Variants in MGLL observed in about 807,000 individuals in gnomAD.
The protein encoded by MGLL is monoglyceride lipase.
In MGLL, 7 loss-of-function variants were observed where a neutral mutation model predicts 29.1. The ratio of observed to expected loss-of-function variants is 0.24; its 90% CI spans 0.14 to 0.45. The LOEUF (loss-of-function observed/expected upper bound fraction) is 0.45, where lower values mean the gene tolerates loss of function less well. MGLL is among the 20% of genes least tolerant of loss of function. MGLL has a pLI of 0.99. For synonymous variants in MGLL, 148 were observed against 168.3 expected, an observed-to-expected ratio of 0.88 and a Z score of 0.93; for missense variants, 356 against 413.6, an observed-to-expected ratio of 0.86 and a Z score of 1.21.
intron 3 of MGLL, among the ~76,000 whole-genome samples, chr3:127,748,409 AGAG>A (rs1434392504): frequency 9.1e-6 from 1 of 109,650 alleles, no homozygotes; most frequent in Non-Finnish European, 2.1e-5. Flanking sequence ...AGAGAGAGAA[AGAG>A]AGAGAGAGAG....
At chr3:127,695,993 C>T (rs2075353171) in intron 6 of MGLL, among the ~76,000 whole-genome samples, 1 of 152,118 alleles carries the variant, frequency 6.6e-6, no homozygotes, top group Non-Finnish European at 1.5e-5. Context: ...TGCTAGGAGC[C>T]CCTGGAGGGG....
chr3:127,748,300 G>A (rs922725176), intron 3 of MGLL, among the ~76,000 whole-genome samples: 3 of 151,910 alleles, frequency 2.0e-5, no homozygotes, highest in Admixed American at 6.6e-5. Flanking sequence ...TGAGGGTTAC[G>A]CATCGCAGTC....
intron 3 of MGLL, among the ~76,000 whole-genome samples, chr3:127,741,402 T>TC (rs1236006058): frequency 6.6e-6 from 1 of 152,148 alleles, no homozygotes; most frequent in African/African-American, 2.4e-5. Flanking sequence ...GGCTGGGTGC[T>TC]CCCAGGGGGC....
intron 6 of MGLL, 136 bp downstream of exon 6, chr3:127,710,440 C>T (rs2075688305): frequency 1.2e-6 from 1 of 828,200 alleles, no homozygotes; most frequent in Non-Finnish European, 2.0e-6. Flanking sequence ...ATGTCTAATG[C>T]ACCACTGTGT....
At chr3:127,814,247 C>T (rs185132422) in intron 2 of MGLL, among the ~76,000 whole-genome samples, 29 of 152,316 alleles carry the variant, frequency 1.9e-4, no homozygotes, top group Non-Finnish European at 3.4e-4. Context: ...AGTGTAGGAA[C>T]ACACAACACA....
At chr3:127,743,573 A>AAC (rs71771972) in intron 3 of MGLL, among the ~76,000 whole-genome samples, 3 of 35,218 alleles carry the variant, frequency 8.5e-5, no homozygotes, top group Non-Finnish European at 1.3e-4. Context: ...CACTAATGCT[A>AAC]AAAAAAAAAA....
chr3:127,792,500 G>A (rs905585450), intron 2 of MGLL, among the ~76,000 whole-genome samples: 3 of 152,074 alleles, frequency 2.0e-5, no homozygotes, highest in Non-Finnish European at 4.4e-5. Flanking sequence ...TCAAGAAATC[G>A]AGACCATCCT....
At chr3:127,790,695 G>C (rs932752125) in intron 2 of MGLL, among the ~76,000 whole-genome samples, 8 of 152,294 alleles carry the variant, frequency 5.3e-5, no homozygotes, top group Admixed American at 1.3e-4. Context: ...AGTCGCATGG[G>C]AAACAATTTC....
chr3:127,706,217 G>A (rs1314015476), intron 6 of MGLL, among the ~76,000 whole-genome samples: 2 of 152,126 alleles, frequency 1.3e-5, no homozygotes, highest in African/African-American at 4.8e-5. Context: ...ATGTTCCCAC[G>A]GAAGCCCAAC....
intron 3 of MGLL, among the ~76,000 whole-genome samples, chr3:127,771,617 AGGTGCT>A (rs1233531801): frequency 2.0e-5 from 3 of 152,028 alleles, no homozygotes; most frequent in Non-Finnish European, 4.4e-5. Flanking sequence ...CAGCCTCCCA[AGGTGCT>A]GGGATTACAG....
At position 127,721,148 on chromosome 3, in the gene MGLL, T is replaced by G. The variant is rs1158272807; in HGVS notation, c.415A>C (p.Ile139Leu). ...LGHSMGGAIAILTAAERPGHF... is the reference protein window; with the variant it reads ...LGHSMGGAIALLTAAERPGHF... ...CCCGGCCTCTCTGCGGCCGTGAGGA[T>G]GGCGATGGCGCCTCCCTGTAATGCA... is the stretch of plus-strand genomic sequence containing the variant. Residue 139 changes from isoleucine to leucine, a missense_variant, in exon 5 of 8, where the codon ATC becomes CTC. Physicochemically the swap from Ile to Leu is conservative, Grantham distance 5 (BLOSUM62 2). Transcript: ENST00000265052. 6.2e-7 allele frequency: 1 copy of G among 1,614,188 alleles called. No homozygotes were observed. Among genetic ancestry groups the G allele is most frequent in the Admixed American group, 1.7e-5 (1 of 60,034 alleles).
At chr3:127,748,708 T>A (rs2076500678) in intron 3 of MGLL, among the ~76,000 whole-genome samples, 1 of 152,008 alleles carries the variant, frequency 6.6e-6, no homozygotes, top group Admixed American at 6.6e-5. Context: ...TGATCTTGCA[T>A]TTTCAGCCTC....
upstream of MGLL, chr3:127,822,838 G>A (rs1310282481): frequency 5.9e-6 from 1 of 168,124 alleles, no homozygotes; most frequent in African/African-American, 2.4e-5. Context: ...ACCGGGGAAG[G>A]TGGGGACTAG....
intron 6 of MGLL, among the ~76,000 whole-genome samples, chr3:127,700,102 A>G (rs1001992526): frequency 6.6e-6 from 1 of 152,128 alleles, no homozygotes; most frequent in Admixed American, 6.5e-5. Context: ...GATCTCTCTT[A>G]ATCCATCCAT....
At position 127,692,094 on chromosome 3, in the gene MGLL, A is replaced by ATTTTTTTTTTTTTTT; in HGVS notation, c.*89_*103dup. 5 of 706,644 alleles carry ATTTTTTTTTTTTTTT rather than the reference A, an allele frequency of 7.1e-6. 1 individual carries two copies. The highest frequency in any genetic ancestry group is 1.6e-5 in the South Asian group (1 of 60,840). 43.8% of individuals were successfully genotyped at this position (706,644 alleles called of 1,614,324 possible). Reference sequence around the variant, plus strand: ...GTGCTAAGGATTTCTCCAATTTCTGATTTTTTTTTTTTTTTTTTTTTGGCA... The same window carrying ATTTTTTTTTTTTTTT: ...GTGCTAAGGATTTCTCCAATTTCTGATTTTTTTTTTTTTTTTTTTTTTTTTTTTTTTTTTTTGGCA... On this transcript the variant is annotated 3_prime_UTR_variant, in exon 8 of 8. Transcript: ENST00000265052.
intron 3 of MGLL, among the ~76,000 whole-genome samples, chr3:127,743,282 C>T (rs2076379233): frequency 6.6e-6 from 1 of 152,144 alleles, no homozygotes; most frequent in African/African-American, 2.4e-5. Flanking sequence ...GAGAGGATGC[C>T]AGCATCTCCA....
rs369967063 is a variant in MGLL, at chr3:127,821,789, G to T, written c.60C>A (p.Thr20=). 1.8e-5 allele frequency: 29 copies of T among 1,614,140 alleles called. No individual in the cohort carries two copies. In the African/African-American group the frequency reaches 3.6e-4, roughly 20 times the overall value. ...SMPEESSPRR[T]PQSIPYQDLP... ...GGTCCTGGTAGGGAATGCTCTGCGG[G>T]GTCCGCCTGGGGGAACTTTCCTCTG... is the stretch of plus-strand genomic sequence containing the variant. Residue 20 remains threonine, a synonymous_variant, in exon 2 of 8, where the codon ACC becomes ACA. Transcript: ENST00000265052.
chr3:127,800,555 G>T (rs1356943803), intron 2 of MGLL, among the ~76,000 whole-genome samples: 1 of 152,170 alleles, frequency 6.6e-6, no homozygotes, highest in Non-Finnish European at 1.5e-5. Flanking sequence ...TACTGTTATG[G>T]CTACTGTTAT....
intron 3 of MGLL, among the ~76,000 whole-genome samples, chr3:127,780,920 G>C (rs539797532): frequency 4.7e-4 from 71 of 152,344 alleles, no homozygotes; most frequent in Non-Finnish European, 8.2e-4. Flanking sequence ...TTTAAAAAGT[G>C]TTAGGCAAAG....
Sources: gnomAD v4.1 joint callset for allele counts (sites outside exome capture counted in the v4.1 genomes callset) on GRCh38, gnomAD v4.1.1 for gene constraint, MANE v1.5 for transcripts, NCBI Gene and HGNC (gene_info 2026-07-23, HGNC 2026-07-21) for gene names.